SUGCT: variants seen among roughly 807,000 people sequenced by gnomAD.
The protein encoded by SUGCT is succinyl-CoA:glutarate CoA-transferase.
In SUGCT, 41 loss-of-function variants were observed where a neutral mutation model predicts 55.0. The ratio of observed to expected loss-of-function variants is 0.74; its 90% CI spans 0.58 to 0.97. The LOEUF (loss-of-function observed/expected upper bound fraction) is 0.97, where lower values mean the gene tolerates loss of function less well. Ranked by LOEUF, SUGCT falls within the 50% of genes least tolerant of loss-of-function variation. The pLI, the probability that SUGCT is intolerant of heterozygous loss-of-function variation, is 0.00. For missense variants in SUGCT, 568 were observed against 547.8 expected (o/e 1.04, Z -0.37); for synonymous variants, 187 against 200.4 (o/e 0.93, Z 0.56).
intron 9 of SUGCT, among the ~76,000 whole-genome samples, chr7:40,336,620 GT>G (rs1309656822): frequency 2.6e-5 from 4 of 151,902 alleles, no homozygotes; most frequent in African/African-American, 9.7e-5. Flanking sequence ...TTTATTGCAC[GT>G]ATTTAATTCT....
chr7:41,012,203 C>G, the SUGCT span, among the ~76,000 whole-genome samples: 1,623 of 152,254 alleles, frequency 0.011, 61 homozygotes, highest in East Asian at 0.097. Context: ...CTCTCCCTCC[C>G]CCTGTGTCTT....
chr7:40,835,502 T>C (rs1271903018), intron 13 of SUGCT, among the ~76,000 whole-genome samples: 1 of 152,182 alleles, frequency 6.6e-6, no homozygotes, highest in Admixed American at 6.5e-5. Flanking sequence ...CTGCTAGTGC[T>C]CTCCTTCTGG....
At chr7:40,291,447 T>C (rs1318658359) in intron 8 of SUGCT, among the ~76,000 whole-genome samples, 2 of 136,774 alleles carry the variant, frequency 1.5e-5, no homozygotes, top group African/African-American at 5.6e-5. Flanking sequence ...TAGGTGGGAA[T>C]TGAACAATGA....
intron 12 of SUGCT, among the ~76,000 whole-genome samples, chr7:40,551,020 C>G (rs1281083154): frequency 6.6e-6 from 1 of 152,170 alleles, no homozygotes; most frequent in Non-Finnish European, 1.5e-5. Context: ...TCCCTGCCTT[C>G]CCTCAGGCAG....
chr7:41,011,938 A>G, the SUGCT span, among the ~76,000 whole-genome samples: 25 of 151,914 alleles, frequency 1.6e-4, no homozygotes, highest in South Asian at 8.4e-4. Flanking sequence ...TTTTCCCTCA[A>G]TCACGCCCAG....
rs1436453195 is a variant in SUGCT at position 40,258,613 on chromosome 7, G to A, written c.577-15900G>A. On this transcript the variant is annotated intron_variant, in intron 7 of 13. Transcript: ENST00000335693. The stretch of plus-strand genomic sequence containing the variant: ...AGGCTGGTCTCGAACTCCTGACCTC[G>A]TGATCCACCTGCCTTGGCCTCCCAA... Among the ~76,000 whole-genome samples the A allele has an allele frequency of 3.9e-5, 6 of 152,128 alleles. No individual in the cohort carries two copies. The South Asian group carries it at 6.2e-4, about 16-fold the overall frequency.
rs568610981 is a variant in SUGCT, at chr7:40,459,260, G to A, written c.986+62G>A. Reference sequence around the variant, plus strand: ...AATATGTGATAAGCATTTATCTGGTGTTTTATATGTTTTTTTCTTGGCTTA... The same window carrying A: ...AATATGTGATAAGCATTTATCTGGTATTTTATATGTTTTTTTCTTGGCTTA... On this transcript the variant is annotated intron_variant, in intron 11 of 13. Transcript: ENST00000335693. The A allele has an allele frequency of 5.6e-5, 59 of 1,054,270 alleles. 1 individual carries two copies. In the South Asian group the frequency reaches 9.2e-4, roughly 16 times the overall value. The allele number at this position is 1,054,270 out of a possible 1,614,324, so 65.3% of individuals were successfully genotyped here. A position where few individuals can be genotyped will look rare whatever the true frequency, so the allele number is the denominator to read the frequency against.
At chr7:40,319,923 A>G (rs576571954) in intron 9 of SUGCT, among the ~76,000 whole-genome samples, 19 of 151,954 alleles carry the variant, frequency 1.3e-4, no homozygotes, top group African/African-American at 4.6e-4. Flanking sequence ...GCTGGGCTCA[A>G]GTGTTCCTAG....
the SUGCT span, among the ~76,000 whole-genome samples, chr7:41,017,476 A>G: frequency 6.6e-6 from 1 of 152,214 alleles, no homozygotes; most frequent in Non-Finnish European, 1.5e-5. Context: ...GGTTTTAGAA[A>G]GATTTCACTG....
At chr7:40,213,419 T>A (rs1240438916) in intron 6 of SUGCT, among the ~76,000 whole-genome samples, 1 of 152,190 alleles carries the variant, frequency 6.6e-6, no homozygotes, top group Non-Finnish European at 1.5e-5. Flanking sequence ...GGGAAGACTA[T>A]TACAGAGGTG....
At chr7:40,957,598 A>G in the SUGCT span, among the ~76,000 whole-genome samples, 2 of 151,450 alleles carry the variant, frequency 1.3e-5, no homozygotes, top group African/African-American at 2.4e-5. Context: ...TCATTATTCA[A>G]TTTGCTAGTC....
intron 12 of SUGCT, among the ~76,000 whole-genome samples, chr7:40,622,269 C>A (rs938247131): frequency 6.6e-6 from 1 of 152,192 alleles, no homozygotes; most frequent in African/African-American, 2.4e-5. Context: ...AAACTTCTTA[C>A]AACAGGGCTT....
intron 12 of SUGCT, among the ~76,000 whole-genome samples, chr7:40,736,997 T>G (rs1787196395): frequency 6.6e-6 from 1 of 152,186 alleles, no homozygotes; most frequent in South Asian, 2.1e-4. Context: ...GTATTGATAC[T>G]AATGATTTCC....
chr7:40,293,394 T>A (rs1793914354), intron 8 of SUGCT, among the ~76,000 whole-genome samples: 1 of 152,128 alleles, frequency 6.6e-6, no homozygotes, highest in Non-Finnish European at 1.5e-5. Flanking sequence ...CTCTTTCCCA[T>A]CCCCAGAGAT....
In SUGCT at chr7:40,325,898, C is replaced by CTTTTTT. The variant is rs71560191; in HGVS notation, c.816+9048_816+9053dup. Among the ~76,000 whole-genome samples the CTTTTTT allele has an allele frequency of 3.6e-4, 44 of 122,186 alleles. 1 individual carries two copies. The highest frequency in any genetic ancestry group is 6.0e-4 in the African/African-American group (20 of 33,368). 80.2% of individuals were successfully genotyped at this position (122,186 alleles called of 152,430 possible). A position where few individuals can be genotyped will look rare whatever the true frequency, so the allele number is the denominator to read the frequency against. ...AGCTGGATGCATCATGGATGTGCGT[C>CTTTTTT]TTTTTTTTTTGTTTGTTTTTGGCAG... On this transcript the variant is annotated intron_variant, in intron 9 of 13. Transcript: ENST00000335693.
At chr7:40,985,613 T>C in the SUGCT span, among the ~76,000 whole-genome samples, 1 of 152,124 alleles carries the variant, frequency 6.6e-6, no homozygotes, top group Non-Finnish European at 1.5e-5. Flanking sequence ...TTTTGGGACA[T>C]ATGAAGTTCA....
Position 40,254,290 on chromosome 7 carries a change from A to G in SUGCT, c.576+16564A>G, listed in dbSNP as rs187895771. Among the ~76,000 whole-genome samples the G allele has an allele frequency of 4.3e-3, 650 of 151,280 alleles. 5 individuals carry two copies. Among genetic ancestry groups the G allele is most frequent in the African/African-American group, 0.014 (598 of 41,592 alleles). On this transcript the variant is annotated intron_variant, in intron 7 of 13. Transcript: ENST00000335693. ...TTTCAAGAAATGTCTTTTGGGGGAA[A>G]GGGACTCCCCTATTTGAGATGTTTC...
chr7:40,838,083 ACTCT>A (rs1315812211), intron 13 of SUGCT, among the ~76,000 whole-genome samples: 1 of 151,900 alleles, frequency 6.6e-6, no homozygotes, highest in Non-Finnish European at 1.5e-5. Flanking sequence ...CTATTTCTGG[ACTCT>A]CTATTTCTGT....
At chr7:40,813,665 T>G (rs1049338498) in intron 13 of SUGCT, among the ~76,000 whole-genome samples, 2 of 152,172 alleles carry the variant, frequency 1.3e-5, no homozygotes, top group Admixed American at 1.3e-4. Flanking sequence ...TGGGTATTAT[T>G]TATCCAACTT....
Sources: gnomAD v4.1 joint callset for allele counts (sites outside exome capture counted in the v4.1 genomes callset) on GRCh38, gnomAD v4.1.1 for gene constraint, MANE v1.5 for transcripts, NCBI Gene and HGNC (gene_info 2026-07-23, HGNC 2026-07-21) for gene names.